The following EFTUD2 variants were observed in gnomAD, a reference collection of about 807,000 sequenced individuals.
The protein encoded by EFTUD2 is elongation factor Tu GTP binding domain containing 2.
In EFTUD2, 9 loss-of-function variants were observed where a neutral mutation model predicts 114.3. The observed-to-expected ratio is 0.08, with a 90% CI of 0.05 to 0.14. EFTUD2 has a LOEUF of 0.14. Among genes scored for constraint, EFTUD2 ranks in the 10% least tolerant of loss-of-function variants. EFTUD2 has a pLI of 1.00. For missense variants in EFTUD2, 765 were observed against 1,241.2 expected, an observed-to-expected ratio of 0.62 and a Z score of 5.76; for synonymous variants, 449 against 462.3, an observed-to-expected ratio of 0.97 and a Z score of 0.37.
chr17:44,890,054 C>A (rs1390978661), intron 2 of EFTUD2, among the ~76,000 whole-genome samples: 1 of 152,088 alleles, frequency 6.6e-6, no homozygotes, highest in Non-Finnish European at 1.5e-5. Flanking sequence ...TTTGCCGGGG[C>A]TGGAGTGCAG....
Position 44,854,613 on chromosome 17 carries a change from A to G in EFTUD2, c.2202T>C (p.Ala734=). 2 of 1,614,198 alleles carry G rather than the reference A, an allele frequency of 1.2e-6. No individual in the cohort carries two copies. The highest frequency in any genetic ancestry group is 4.5e-5 in the East Asian group (2 of 44,884). ...TGGGGCCAGTCGCATCAGGGCCAAA[A>G]GCCCAGATGGAACGGGCAGCCAGCA... ...WDLLAARSIW[A]FGPDATGPNI... The change falls in exon 22 of 28, where the codon GCT becomes GCC. Residue 734 remains alanine, a synonymous_variant. Transcript: ENST00000426333. The surrounding 1 kb of genome is among the most constrained non-coding windows in gnomAD (Gnocchi z 4.3).
At chr17:44,874,795 AATTT>A (rs1251546494) in intron 10 of EFTUD2, among the ~76,000 whole-genome samples, 1 of 152,236 alleles carries the variant, frequency 6.6e-6, no homozygotes, top group African/African-American at 2.4e-5. Flanking sequence ...AACAGTTCTT[AATTT>A]ATTTAGACTG....
In EFTUD2 at chr17:44,868,368, C is replaced by T. The variant is rs543663685; in HGVS notation, c.995-18G>A. 54 of 1,612,294 alleles carry T rather than the reference C, an allele frequency of 3.3e-5. No individual in the cohort carries two copies. In the African/African-American group the frequency reaches 7.1e-4, roughly 21 times the overall value. On this transcript the variant is annotated intron_variant, in intron 11 of 27. Coordinates refer to ENST00000426333, the MANE Select transcript of EFTUD2 (RefSeq NM_004247.4). ...AATGTCACCTATGGGAGAAGCCACA[C>T]AATTATAATCTACCTAGCAAAGTGT...
chr17:44,887,190 T>C (rs547895660), intron 2 of EFTUD2, among the ~76,000 whole-genome samples: 71 of 152,322 alleles, frequency 4.7e-4, no homozygotes, highest in Non-Finnish European at 8.1e-4. Flanking sequence ...CTGGCAAGGA[T>C]GTGGAGAAAC....
intron 19 of EFTUD2, among the ~76,000 whole-genome samples, chr17:44,858,201 C>T (rs1394722761): frequency 6.6e-6 from 1 of 152,062 alleles, no homozygotes; most frequent in Non-Finnish European, 1.5e-5. Flanking sequence ...GGGTTACAGG[C>T]GTGAGCCACC....
At chr17:44,876,987 A>T (rs1308542549) in intron 9 of EFTUD2, among the ~76,000 whole-genome samples, 1 of 151,910 alleles carries the variant, frequency 6.6e-6, no homozygotes, top group African/African-American at 2.4e-5. Flanking sequence ...TGAAGCCAGA[A>T]GTTCAAGACC....
chr17:44,863,100 A>C, intron 15 of EFTUD2, 194 bp from the exon 16 acceptor site: 1 of 427,762 alleles, frequency 2.3e-6, no homozygotes. Context: ...GAGCAAAAAT[A>C]TTCTCCTCTT....
intron 13 of EFTUD2, among the ~76,000 whole-genome samples, chr17:44,866,551 G>A (rs146941029): frequency 0.029 from 4,439 of 152,122 alleles, 210 homozygotes; most frequent in African/African-American, 0.096. Flanking sequence ...GCTAATTTTT[G>A]TATTTTTAGT....
At position 44,850,147 on chromosome 17, in the gene EFTUD2, T is replaced by C. The variant is rs1451614018; in HGVS notation, c.*1127A>G. The C allele has an allele frequency of 1.4e-5, 8 of 556,254 alleles. No homozygotes were observed. The highest frequency in any genetic ancestry group is 2.3e-5 in the Non-Finnish European group (7 of 308,344). 34.5% of individuals were successfully genotyped at this position (556,254 alleles called of 1,614,324 possible). ...TGAAAGTGTTTCGTGAACTGTCAGA[T>C]AAGTGGTTTCCCCAGGTTGTGTGGT... is the stretch of plus-strand genomic sequence containing the variant. On this transcript the variant is annotated 3_prime_UTR_variant, in exon 28 of 28. Coordinates refer to ENST00000426333, the MANE Select transcript of EFTUD2 (RefSeq NM_004247.4).
intron 11 of EFTUD2, among the ~76,000 whole-genome samples, chr17:44,871,399 G>A (rs911073776): frequency 1.3e-5 from 2 of 151,504 alleles, no homozygotes; most frequent in African/African-American, 4.9e-5. Flanking sequence ...GAGTGCAGTG[G>A]CGTGATCTCA....
At chr17:44,885,725 G>A (rs975357973) in intron 3 of EFTUD2, among the ~76,000 whole-genome samples, 1 of 152,050 alleles carries the variant, frequency 6.6e-6, no homozygotes, top group African/African-American at 2.4e-5. Context: ...TACAAATGGC[G>A]TGATCAAGTG....
chr17:44,881,919 T>C (rs2051079452), intron 6 of EFTUD2, 197 bp from the exon 7 acceptor site: 6 of 562,362 alleles, frequency 1.1e-5, no homozygotes, highest in Non-Finnish European at 1.9e-5. Context: ...CCTGGGTGTG[T>C]GGAGGGATTT....
intron 2 of EFTUD2, among the ~76,000 whole-genome samples, chr17:44,888,390 A>G (rs570160211): frequency 2.0e-5 from 3 of 152,326 alleles, no homozygotes; most frequent in East Asian, 3.9e-4. Flanking sequence ...TCTGGCCCCA[A>G]TGTCAACAGT....
chr17:44,869,246 G>A lies in EFTUD2; in HGVS notation c.995-896C>T, dbSNP rs146582991. On this transcript the variant is annotated intron_variant, in intron 11 of 27. Transcript: ENST00000426333. ...TAGTTACTGAAACTTTCCTTCCTCT[G>A]AACCACTGAATGTTTATGCCCTCTG... is the stretch of plus-strand genomic sequence containing the variant. Among the ~76,000 whole-genome samples, 73 of 152,190 alleles carry A rather than the reference G, an allele frequency of 4.8e-4. 2 individuals are homozygous for A. The East Asian group carries it at 0.013, about 27-fold the overall frequency.
At chr17:44,897,486 C>A in intron 1 of EFTUD2, among the ~76,000 whole-genome samples, 1 of 152,244 alleles carries the variant, frequency 6.6e-6, no homozygotes, top group Non-Finnish European at 1.5e-5. Context: ...CAAGAGTTGA[C>A]AAACTCTGAC....
intron 20 of EFTUD2, 21 bp from the exon 21 acceptor site, chr17:44,855,025 T>C (rs1267650673): frequency 1.2e-6 from 2 of 1,604,696 alleles, no homozygotes; most frequent in Admixed American, 1.7e-5. Context: ...TGGAAATGGG[T>C]GGTAAGGACG....
intron 18 of EFTUD2, 68 bp downstream of exon 18, chr17:44,859,837 G>GGT: frequency 6.2e-7 from 1 of 1,605,182 alleles, no homozygotes; most frequent in South Asian, 1.1e-5. Context: ...GATGGGAAGC[G>GGT]GTGTGCAGCT....
intron 19 of EFTUD2, 89 bp downstream of exon 19, chr17:44,858,991 T>C (rs2050607266): frequency 2.3e-6 from 2 of 887,262 alleles, no homozygotes; most frequent in Non-Finnish European, 3.8e-6. Context: ...GTACTCTCTC[T>C]TCCCTTGGAG....
chr17:44,893,780 G>C (rs1459395198), intron 2 of EFTUD2, among the ~76,000 whole-genome samples: 3 of 64,540 alleles, frequency 4.6e-5, no homozygotes, highest in African/African-American at 6.2e-5. Flanking sequence ...GGGGGGGGGT[G>C]GGGGGGCAGG....
Sources: allele counts gnomAD v4.1 joint callset (sites outside exome capture counted in the v4.1 genomes callset), GRCh38; gene constraint gnomAD v4.1.1; non-coding constraint Gnocchi (gnomAD v3.1); transcripts MANE v1.5; gene names NCBI Gene and HGNC (gene_info 2026-07-23, HGNC 2026-07-21).